ANKS1B: variants seen among roughly 807,000 people sequenced by gnomAD.
ANKS1B encodes ankyrin repeat and sterile alpha motif domain containing 1B, also known as ankyrin repeat and sterile alpha motif domain-containing protein 1B.
ANKS1B carries 36 observed loss-of-function variants against 148.3 expected under a neutral mutation model. The observed-to-expected ratio is 0.24, with a 90% CI of 0.19 to 0.32. The LOEUF (loss-of-function observed/expected upper bound fraction) is 0.32. Ranked by LOEUF, ANKS1B falls within the 10% of genes least tolerant of loss-of-function variation. The probability of loss-of-function intolerance (pLI) is 1.00; values close to 1 mark genes in which losing one functional copy is unlikely to be tolerated. For missense variants in ANKS1B, 1,157 were observed against 1,542.6 expected (o/e 0.75, Z 4.19); for synonymous variants, 542 against 560.8 (o/e 0.97, Z 0.47).
chr12:99,669,398 C>T (rs11109985), intron 8 of ANKS1B, among the ~76,000 whole-genome samples: 68,407 of 151,910 alleles, frequency 0.45, 16,170 homozygotes, highest in South Asian at 0.6. Flanking sequence ...GTAAAGTTAT[C>T]TGGAGATCAG....
intron 9 of ANKS1B, among the ~76,000 whole-genome samples, chr12:99,600,423 A>G (rs2153276867): frequency 6.6e-6 from 1 of 152,106 alleles, no homozygotes; most frequent in African/African-American, 2.4e-5. Flanking sequence ...GCCGCTGCGA[A>G]GGGAAGAAAG....
intron 10 of ANKS1B, among the ~76,000 whole-genome samples, chr12:99,486,960 A>G (rs888363435): frequency 1.3e-5 from 2 of 152,118 alleles, no homozygotes. Flanking sequence ...CCCATGGGAG[A>G]AGCCCCAACT....
chr12:99,825,506 T>G (rs1014416436), intron 1 of ANKS1B, 117 bp from the exon 2 acceptor site: 1 of 683,458 alleles, frequency 1.5e-6, no homozygotes, highest in East Asian at 2.8e-5. Context: ...ATTTTAGCCA[T>G]GTGGAAAATG....
At chr12:99,807,524 A>G (rs1428697328) in intron 3 of ANKS1B, among the ~76,000 whole-genome samples, 17 of 152,192 alleles carry the variant, frequency 1.1e-4, no homozygotes, top group Admixed American at 1.1e-3. Flanking sequence ...AAAATGAACA[A>G]GAAATTTTAG....
intron 9 of ANKS1B, among the ~76,000 whole-genome samples, chr12:99,516,364 C>T (rs1441155639): frequency 3.3e-5 from 5 of 151,882 alleles, no homozygotes; most frequent in Non-Finnish European, 5.9e-5. Context: ...TTCATTATTC[C>T]GCATATAGGT....
intron 11 of ANKS1B, among the ~76,000 whole-genome samples, chr12:99,413,041 T>C (rs533597718): frequency 1.1e-4 from 17 of 152,326 alleles, no homozygotes; most frequent in African/African-American, 2.9e-4. Flanking sequence ...TTCTGCTTTA[T>C]AGATTATGGC....
chr12:99,509,356 C>G (rs1259069508), intron 9 of ANKS1B, among the ~76,000 whole-genome samples: 1 of 151,888 alleles, frequency 6.6e-6, no homozygotes, highest in Non-Finnish European at 1.5e-5. Context: ...TTGTGCCAAA[C>G]AGCTACCAAG....
intron 9 of ANKS1B, among the ~76,000 whole-genome samples, chr12:99,600,651 C>T (rs1173493252): frequency 6.6e-6 from 1 of 151,992 alleles, no homozygotes; most frequent in African/African-American, 2.4e-5. Context: ...TCCCAAAAGA[C>T]ATCAATCACG....
Position 98,798,924 on chromosome 12 carries a change from G to A in ANKS1B, c.3342+10C>T. 6.2e-7 allele frequency: 1 copy of A among 1,607,984 alleles called. No homozygotes were observed. Among genetic ancestry groups the A allele is most frequent in the South Asian group, 1.1e-5 (1 of 90,010 alleles). On this transcript the variant is annotated intron_variant, in intron 22 of 26. Coordinates refer to ENST00000683438, the MANE Select transcript of ANKS1B (RefSeq NM_001352186.2). ...CAGCTACTAGAAATAAAGTAGTTTG[G>A]CAGACTTACCCGCATTTTTGCACAA...
chr12:98,876,237 T>G (rs371529781), intron 17 of ANKS1B, among the ~76,000 whole-genome samples: 45 of 152,306 alleles, frequency 3.0e-4, no homozygotes, highest in African/African-American at 1.0e-3. Flanking sequence ...AGGCACCACA[T>G]GTGGGATGCT....
intron 1 of ANKS1B, among the ~76,000 whole-genome samples, chr12:99,887,419 T>C (rs12810737): frequency 0.23 from 35,175 of 152,196 alleles, 4,161 homozygotes; most frequent in African/African-American, 0.26. Flanking sequence ...ATTAATATCA[T>C]CTGTTTCTTT....
intron 16 of ANKS1B, among the ~76,000 whole-genome samples, chr12:99,065,393 C>T (rs561502587): frequency 1.4e-3 from 209 of 152,258 alleles, no homozygotes; most frequent in Non-Finnish European, 2.7e-3. Context: ...CAGGCACATG[C>T]ATAATAACAT....
At chr12:99,137,517 G>A (rs1163338981) in intron 15 of ANKS1B, among the ~76,000 whole-genome samples, 1 of 152,122 alleles carries the variant, frequency 6.6e-6, no homozygotes, top group African/African-American at 2.4e-5. Context: ...TCAAAAGACA[G>A]AAATAAACAA....
At chr12:99,104,747 A>G (rs1247736653) in intron 15 of ANKS1B, 1 of 151,812 alleles carries the variant, frequency 6.6e-6, no homozygotes, top group Non-Finnish European at 1.5e-5. Context: ...CTCTCTCTTT[A>G]CCTCCTCTGA....
intron 15 of ANKS1B, among the ~76,000 whole-genome samples, chr12:99,090,486 C>T (rs2053646832): frequency 6.6e-6 from 1 of 152,090 alleles, no homozygotes; most frequent in South Asian, 2.1e-4. Flanking sequence ...CTTGTTTTTG[C>T]TCTATAATTA....
At chr12:98,866,769 A>C (rs1431724084) in intron 17 of ANKS1B, among the ~76,000 whole-genome samples, 1 of 152,188 alleles carries the variant, frequency 6.6e-6, no homozygotes, top group Non-Finnish European at 1.5e-5. Flanking sequence ...TCCTGCAGAA[A>C]GTTCCTCCTG....
chr12:99,646,999 A>C (rs931128807), intron 9 of ANKS1B, among the ~76,000 whole-genome samples: 3 of 152,150 alleles, frequency 2.0e-5, no homozygotes, highest in African/African-American at 7.2e-5. Flanking sequence ...GAAAAAAAAA[A>C]ATACATTGCC....
At chr12:99,672,103 A>G (rs2098540955) in intron 8 of ANKS1B, among the ~76,000 whole-genome samples, 1 of 152,096 alleles carries the variant, frequency 6.6e-6, no homozygotes, top group Non-Finnish European at 1.5e-5. Context: ...TCAGCATTTA[A>G]TTAAATCTCC....
At chr12:99,618,989 C>T (rs1450510636) in intron 9 of ANKS1B, among the ~76,000 whole-genome samples, 1 of 152,124 alleles carries the variant, frequency 6.6e-6, no homozygotes, top group East Asian at 1.9e-4. Flanking sequence ...AGAAGGAGAG[C>T]TGCTACAGCT....
Sources: allele counts gnomAD v4.1 joint callset (sites outside exome capture counted in the v4.1 genomes callset), GRCh38; gene constraint gnomAD v4.1.1; transcripts MANE v1.5; gene names NCBI Gene and HGNC (gene_info 2026-07-23, HGNC 2026-07-21).